The following RFC3 variants were observed in gnomAD, a reference collection of about 807,000 sequenced individuals.
RFC3 encodes replication factor C subunit 3.
RFC3 carries 41 observed loss-of-function variants against 45.1 expected under a neutral mutation model. That is an observed-to-expected ratio of 0.91 (90% CI 0.71 to 1.18). The LOEUF is 1.18. Ranked by LOEUF, RFC3 falls within the 50% of genes most tolerant of loss-of-function variation. The pLI, the probability that RFC3 is intolerant of heterozygous loss-of-function variation, is 0.00. For synonymous variants in RFC3, 149 were observed against 144.0 expected (o/e 1.03, Z -0.25); for missense variants, 423 against 428.1 (o/e 0.99, Z 0.10).
At chr13:33,955,443 G>A (rs2083016185) in intron 8 of RFC3, among the ~76,000 whole-genome samples, 1 of 152,130 alleles carries the variant, frequency 6.6e-6, no homozygotes, top group African/African-American at 2.4e-5. Context: ...TGTCAGGTAG[G>A]AAGAGTATAT....
chr13:33,895,608 T>C (rs2082592761), intron 8 of RFC3, among the ~76,000 whole-genome samples: 1 of 152,186 alleles, frequency 6.6e-6, no homozygotes, highest in Non-Finnish European at 1.5e-5. Flanking sequence ...GATATTTCTC[T>C]ATTTCTAAAA....
intron 8 of RFC3, among the ~76,000 whole-genome samples, chr13:33,882,683 A>G (rs1566014935): frequency 6.6e-6 from 1 of 152,184 alleles, no homozygotes; most frequent in Non-Finnish European, 1.5e-5. Flanking sequence ...GGTTTAAGCC[A>G]CCCAATCTTT....
chr13:33,879,441 C>G (rs1307763706), intron 8 of RFC3, among the ~76,000 whole-genome samples: 1 of 152,164 alleles, frequency 6.6e-6, no homozygotes, highest in Non-Finnish European at 1.5e-5. Context: ...AAGACCTGCT[C>G]TCTGCCTCTG....
chr13:33,834,298 G>GTGTATATATA (rs1302839326), intron 7 of RFC3, among the ~76,000 whole-genome samples: 4 of 109,204 alleles, frequency 3.7e-5, no homozygotes, highest in African/African-American at 1.7e-4. Flanking sequence ...TGTACTGTGT[G>GTGTATATATA]TATATATATA....
intron 8 of RFC3, chr13:33,846,714 T>C (rs1256331314): frequency 1.5e-5 from 2 of 136,124 alleles, no homozygotes; most frequent in Non-Finnish European, 3.3e-5. Flanking sequence ...TAGACTGCTA[T>C]TCAAGTTTAT....
At chr13:33,872,188 C>T (rs934779517) in intron 8 of RFC3, among the ~76,000 whole-genome samples, 5 of 151,960 alleles carry the variant, frequency 3.3e-5, no homozygotes, top group African/African-American at 4.8e-5. Context: ...ATCTTAAATA[C>T]GATGTAAGTG....
chr13:33,839,854 T>A (rs2139437525), downstream of RFC3, among the ~76,000 whole-genome samples: 1 of 152,296 alleles, frequency 6.6e-6, no homozygotes, highest in Admixed American at 6.5e-5. Context: ...TTGGAAAGCA[T>A]TTTCAATGGA....
chr13:33,957,747 A>C (rs779305557), intron 8 of RFC3, among the ~76,000 whole-genome samples: 28 of 152,188 alleles, frequency 1.8e-4, no homozygotes, highest in Non-Finnish European at 3.8e-4. Context: ...AATGTAGTCA[A>C]ACGTGAAGGT....
intron 8 of RFC3, among the ~76,000 whole-genome samples, chr13:33,924,737 A>G (rs2082792481): frequency 2.0e-5 from 3 of 148,254 alleles, no homozygotes; most frequent in South Asian, 2.1e-4. Context: ...GTATATATAT[A>G]TATATATCAG....
intron 8 of RFC3, among the ~76,000 whole-genome samples, chr13:33,873,350 G>A (rs1268098135): frequency 1.3e-5 from 2 of 152,158 alleles, no homozygotes; most frequent in Non-Finnish European, 2.9e-5. Flanking sequence ...AGAAAAGTTC[G>A]AGGAAGATTA....
At position 33,933,030 on chromosome 13, in the gene RFC3, C is replaced by T. The variant is rs192524858; in HGVS notation, c.880-33057C>T. Among the ~76,000 whole-genome samples, 46 of 152,228 alleles carry T rather than the reference C, an allele frequency of 3.0e-4. No homozygotes were observed. The East Asian group carries it at 6.2e-3, about 20-fold the overall frequency. ...ACACCTAATAAATACAATTATACCC[C>T]CTTTACCCTTTGAAAAATCTGAGAT... On this transcript the variant is annotated intron_variant, in intron 8 of 8. Transcript: ENST00000434425.
chr13:33,836,558 T>A lies in RFC3; in HGVS notation c.*263T>A, dbSNP rs921410989. 1.7e-6 allele frequency: 2 copies of A among 1,147,752 alleles called. No homozygotes were observed. Among genetic ancestry groups the A allele is most frequent in the African/African-American group, 3.1e-5 (2 of 63,700 alleles). 71.1% of individuals were successfully genotyped at this position (1,147,752 alleles called of 1,614,324 possible). On this transcript the variant is annotated 3_prime_UTR_variant, in exon 9 of 9. Transcript: ENST00000380071. Reference sequence around the variant, plus strand: ...TTACTTTAAGCATTGGTTATTCAAGTATTCATTGTTGATCCTCCTATTCTC... The same window carrying A: ...TTACTTTAAGCATTGGTTATTCAAGAATTCATTGTTGATCCTCCTATTCTC...
intron 8 of RFC3, among the ~76,000 whole-genome samples, chr13:33,913,945 A>T (rs895899159): frequency 2.0e-5 from 3 of 152,154 alleles, no homozygotes; most frequent in Admixed American, 2.0e-4. Context: ...ATGTAATTTT[A>T]TGAAAATATG....
At chr13:33,881,134 TTAAGA>T (rs1441185324) in intron 8 of RFC3, among the ~76,000 whole-genome samples, 20 of 152,224 alleles carry the variant, frequency 1.3e-4, no homozygotes, top group Admixed American at 1.3e-3. Context: ...TATATGACAC[TTAAGA>T]TAACTGTTTA....
At chr13:33,918,266 A>G (rs1415718482) in intron 8 of RFC3, among the ~76,000 whole-genome samples, 3 of 152,160 alleles carry the variant, frequency 2.0e-5, no homozygotes, top group African/African-American at 2.4e-5. Flanking sequence ...ACTGTTAACA[A>G]CAGTTATTGG....
At chr13:33,960,777 C>T (rs764806007) in intron 8 of RFC3, among the ~76,000 whole-genome samples, 6 of 152,216 alleles carry the variant, frequency 3.9e-5, no homozygotes, top group African/African-American at 1.2e-4. Context: ...CTCCTGCACT[C>T]ATGCCCCAGA....
chr13:33,973,022 C>A, the RFC3 span, among the ~76,000 whole-genome samples: 1 of 152,076 alleles, frequency 6.6e-6, no homozygotes, highest in Non-Finnish European at 1.5e-5. Context: ...TGAGTAAAAT[C>A]CATATCAGCT....
chr13:33,821,556 A>C (rs902774835), intron 2 of RFC3, among the ~76,000 whole-genome samples: 8 of 152,266 alleles, frequency 5.3e-5, no homozygotes, highest in African/African-American at 1.7e-4. Context: ...AGCTGAAATT[A>C]GAACTCAGGT....
intron 8 of RFC3, among the ~76,000 whole-genome samples, chr13:33,903,669 G>A (rs1200645870): frequency 6.6e-6 from 1 of 152,008 alleles, no homozygotes; most frequent in Non-Finnish European, 1.5e-5. Flanking sequence ...TTTGTCCCAT[G>A]AGATTTAGCC....
Sources: allele counts gnomAD v4.1 joint callset (sites outside exome capture counted in the v4.1 genomes callset), GRCh38; gene constraint gnomAD v4.1.1; transcripts MANE v1.5; gene names NCBI Gene and HGNC (gene_info 2026-07-23, HGNC 2026-07-21).